The following INPP4B variants were observed in gnomAD, a reference collection of about 807,000 sequenced individuals.
INPP4B encodes inositol polyphosphate-4-phosphatase type II B.
INPP4B carries 55 observed loss-of-function variants against 122.5 expected under a neutral mutation model. The observed-to-expected ratio is 0.45, with a 90% CI of 0.36 to 0.56. The LOEUF is 0.56. Ranked by LOEUF, INPP4B falls within the 20% of genes least tolerant of loss-of-function variation. The pLI is 0.00. For missense variants in INPP4B, 1,000 were observed against 1,097.7 expected (o/e 0.91, Z 1.26); for synonymous variants, 403 against 388.7 (o/e 1.04, Z -0.43).
chr4:142,796,099 G>T (rs73850567), intron 1 of INPP4B, among the ~76,000 whole-genome samples: 2 of 152,066 alleles, frequency 1.3e-5, no homozygotes, highest in African/African-American at 2.4e-5. Flanking sequence ...TATAATAAAT[G>T]TGAGGATCTT....
chr4:142,796,903 T>TGTGA (rs1777329477), intron 1 of INPP4B, among the ~76,000 whole-genome samples: 1 of 145,496 alleles, frequency 6.9e-6, no homozygotes, highest in Non-Finnish European at 1.5e-5. Flanking sequence ...TGTGTGTGTG[T>TGTGA]GTGTGTGTGT....
At chr4:142,531,852 T>C (rs1560765221) in intron 2 of INPP4B, among the ~76,000 whole-genome samples, 1 of 152,204 alleles carries the variant, frequency 6.6e-6, no homozygotes, top group Non-Finnish European at 1.5e-5. Flanking sequence ...TAGTTGCTTC[T>C]CAAAATACTA....
chr4:142,499,995 G>A lies in INPP4B; in HGVS notation c.-190-37269C>T, dbSNP rs191463766. Among the ~76,000 whole-genome samples, 345 of 152,214 alleles carry A rather than the reference G, an allele frequency of 2.3e-3. 1 individual carries two copies. Among genetic ancestry groups the A allele is most frequent in the African/African-American group, 8.1e-3 (338 of 41,546 alleles). On this transcript the variant is annotated intron_variant, in intron 2 of 25. Transcript: ENST00000262992. ...CCTGCCTGGTCCCAGCCTTAGAAAT[G>A]TAAGAGAAATAGAGAGGATTCTAAA... is the stretch of plus-strand genomic sequence containing the variant.
intron 25 of INPP4B, among the ~76,000 whole-genome samples, chr4:142,061,319 G>T (rs1760515016): frequency 6.6e-6 from 1 of 152,082 alleles, no homozygotes; most frequent in African/African-American, 2.4e-5. Flanking sequence ...TACTTGGCAG[G>T]GTCACTAGGT....
At chr4:142,352,789 T>G (rs1371751493) in intron 7 of INPP4B, among the ~76,000 whole-genome samples, 1 of 152,014 alleles carries the variant, frequency 6.6e-6, no homozygotes, top group Non-Finnish European at 1.5e-5. Context: ...TGGTAAATAT[T>G]ATAACAGCAT....
At chr4:142,064,746 T>C (rs1762660654) in intron 25 of INPP4B, among the ~76,000 whole-genome samples, 1 of 152,184 alleles carries the variant, frequency 6.6e-6, no homozygotes, top group Non-Finnish European at 1.5e-5. Context: ...AAACTATTAG[T>C]GTTATAAAAT....
intron 2 of INPP4B, among the ~76,000 whole-genome samples, chr4:142,585,815 G>T (rs185359177): frequency 2.4e-3 from 365 of 150,268 alleles, no homozygotes; most frequent in African/African-American, 8.4e-3. Flanking sequence ...ACAATATTAT[G>T]ACTATCCTCA....
In INPP4B at chr4:142,302,985, A is replaced by C. The variant is rs150823620; in HGVS notation, c.503+2473T>G. Among the ~76,000 whole-genome samples, 28 of 152,282 alleles carry C rather than the reference A, an allele frequency of 1.8e-4. No individual in the cohort carries two copies. The East Asian group carries it at 4.4e-3, about 24-fold the overall frequency. The stretch of plus-strand genomic sequence containing the variant: ...CATACGAATAGAAACCACTTTATAC[A>C]TCAGAGGCATTTTCCCCAATATATA... On this transcript the variant is annotated intron_variant, in intron 9 of 25. Coordinates refer to ENST00000262992, the MANE Select transcript of INPP4B (RefSeq NM_001101669.3).
At chr4:142,710,115 T>C (rs1311758270) in intron 2 of INPP4B, among the ~76,000 whole-genome samples, 1 of 152,222 alleles carries the variant, frequency 6.6e-6, no homozygotes, top group Non-Finnish European at 1.5e-5. Flanking sequence ...CTCTAGGCCA[T>C]GGATCTCCAT....
chr4:142,842,023 T>C (rs1212023180), intron 1 of INPP4B, among the ~76,000 whole-genome samples: 1 of 151,852 alleles, frequency 6.6e-6, no homozygotes, highest in Non-Finnish European at 1.5e-5. Flanking sequence ...ATACAGGCTC[T>C]CCTTTTAAGG....
chr4:142,431,171 G>A lies in INPP4B; in HGVS notation c.89C>T (p.Thr30Ile). Residue 30 changes from threonine (T) to isoleucine (I), a missense_variant and splice_region_variant, in exon 4 of 26, where the codon ACA becomes ATA. By Grantham distance (89) the Thr-to-Ile change is moderately conservative (BLOSUM62 -1). Transcript: ENST00000262992. ...QANDPGDCQF[T>I]SIQKTPNEPQ... ...GGGAGGGATACACACATACTTACTT[G>A]TGAACTGACAGTCCCCGGGATCATT... 6.2e-7 allele frequency: 1 copy of A among 1,611,866 alleles called. No individual in the cohort carries two copies. Among genetic ancestry groups the A allele is most frequent in the Non-Finnish European group, 8.5e-7 (1 of 1,178,290 alleles).
Position 142,058,985 on chromosome 4 carries a change from G to A in INPP4B, c.2642+23046C>T, listed in dbSNP as rs149648334. On this transcript the variant is annotated intron_variant, in intron 25 of 25. Coordinates refer to ENST00000262992, the MANE Select transcript of INPP4B (RefSeq NM_001101669.3). ...TAAACTATAAAGCAGAAAAGTGCAGGCAGGTCAGAAATCACCTAAAAACCC... is the reference window on the plus strand; with the variant it reads ...TAAACTATAAAGCAGAAAAGTGCAGACAGGTCAGAAATCACCTAAAAACCC... 3.2e-4 allele frequency among the ~76,000 whole-genome samples: 49 copies of A among 152,232 alleles called. 1 individual carries two copies. The East Asian group carries it at 4.2e-3, about 13-fold the overall frequency.
chr4:142,390,556 C>T (rs1797336965), intron 7 of INPP4B, among the ~76,000 whole-genome samples: 1 of 151,948 alleles, frequency 6.6e-6, no homozygotes, highest in Admixed American at 6.6e-5. Flanking sequence ...TACAGAGGGC[C>T]CCTAAAACAT....
chr4:142,361,625 C>G (rs10021260), intron 7 of INPP4B, among the ~76,000 whole-genome samples: 61,851 of 151,536 alleles, frequency 0.41, 12,944 homozygotes, highest in East Asian at 0.64. Flanking sequence ...AAATTAGGTT[C>G]TTTATTGTTA....
intron 8 of INPP4B, among the ~76,000 whole-genome samples, chr4:142,307,475 T>G (rs1763865274): frequency 6.6e-6 from 1 of 152,202 alleles, no homozygotes. Flanking sequence ...ACAGTAGGTA[T>G]CTGGTACATA....
intron 12 of INPP4B, among the ~76,000 whole-genome samples, chr4:142,210,818 G>A (rs1288187289): frequency 6.6e-6 from 1 of 152,130 alleles, no homozygotes; most frequent in African/African-American, 2.4e-5. Flanking sequence ...GTAAAGGGGG[G>A]ATGACGAGGA....
intron 2 of INPP4B, among the ~76,000 whole-genome samples, chr4:142,576,001 C>T (rs1409328895): frequency 1.3e-5 from 2 of 151,948 alleles, no homozygotes; most frequent in African/African-American, 2.4e-5. Flanking sequence ...AAATACACCA[C>T]GTTGTAGAGT....
chr4:142,685,385 G>A (rs1759203099), intron 2 of INPP4B, among the ~76,000 whole-genome samples: 1 of 152,044 alleles, frequency 6.6e-6, no homozygotes, highest in Admixed American at 6.6e-5. Context: ...ATATTTCAAA[G>A]ACTATTCAGT....
intron 2 of INPP4B, among the ~76,000 whole-genome samples, chr4:142,645,311 T>C (rs1450472600): frequency 6.6e-6 from 1 of 152,190 alleles, no homozygotes; most frequent in Non-Finnish European, 1.5e-5. Flanking sequence ...GGATGGATAA[T>C]GTCAGTACAA....
Sources: allele counts gnomAD v4.1 joint callset (sites outside exome capture counted in the v4.1 genomes callset), GRCh38; gene constraint gnomAD v4.1.1; transcripts MANE v1.5; gene names NCBI Gene and HGNC (gene_info 2026-07-23, HGNC 2026-07-21).